The following LMOD1 variants were observed in gnomAD, a reference collection of about 807,000 sequenced individuals.
The protein encoded by LMOD1 is leiomodin-1.
LMOD1 carries 8 observed loss-of-function variants against 36.5 expected under a neutral mutation model. The ratio of observed to expected loss-of-function variants is 0.22; its 90% CI spans 0.13 to 0.40. LMOD1 has a LOEUF of 0.40. Among genes scored for constraint, LMOD1 ranks in the 10% least tolerant of loss-of-function variants. The probability of loss-of-function intolerance (pLI) is 1.00; values close to 1 mark genes in which losing one functional copy is unlikely to be tolerated. For missense variants in LMOD1, 630 were observed against 751.1 expected, an observed-to-expected ratio of 0.84 and a Z score of 1.88; for synonymous variants, 284 against 288.7, an observed-to-expected ratio of 0.98 and a Z score of 0.17.
At chr1:201,920,356 C>CAGT (rs1308183684) in intron 1 of LMOD1, among the ~76,000 whole-genome samples, 5 of 152,024 alleles carry the variant, frequency 3.3e-5, no homozygotes, top group Non-Finnish European at 7.4e-5. Flanking sequence ...ATTACTACCC[C>CAGT]AGTAAAATGA....
chr1:201,930,839 G>A (rs1234536164), intron 1 of LMOD1, among the ~76,000 whole-genome samples: 2 of 152,196 alleles, frequency 1.3e-5, no homozygotes, highest in Admixed American at 1.3e-4. Context: ...GGAAAACAAG[G>A]AGAATGTGCT....
At chr1:201,936,669 G>A (rs144984645) in intron 1 of LMOD1, among the ~76,000 whole-genome samples, 2 of 152,232 alleles carry the variant, frequency 1.3e-5, no homozygotes, top group African/African-American at 2.4e-5. Context: ...AGTTGTGGTG[G>A]CTCACACCTG....
rs1479643159 is a variant in LMOD1, at chr1:201,913,831, G to C, written c.262-13080C>G. ...GTTTAAGGCTGAATAGTATTCCATTGTATGTATATACCTTGATAATTTTAG... is the reference window on the plus strand; with the variant it reads ...GTTTAAGGCTGAATAGTATTCCATTCTATGTATATACCTTGATAATTTTAG... On this transcript the variant is annotated intron_variant, in intron 1 of 2. Coordinates refer to ENST00000367288, the MANE Select transcript of LMOD1 (RefSeq NM_012134.3). 3.9e-5 allele frequency among the ~76,000 whole-genome samples: 6 copies of C among 152,082 alleles called. No homozygotes were observed. In the East Asian group the frequency reaches 7.7e-4, roughly 20 times the overall value.
At chr1:201,936,047 G>A (rs376227515) in intron 1 of LMOD1, among the ~76,000 whole-genome samples, 14 of 147,544 alleles carry the variant, frequency 9.5e-5, no homozygotes, top group Admixed American at 5.4e-4. Flanking sequence ...CCCAGGAGGC[G>A]GAGGTTGCAG....
chr1:201,931,517 G>A (rs1370535836), intron 1 of LMOD1, among the ~76,000 whole-genome samples: 2 of 128,266 alleles, frequency 1.6e-5, no homozygotes, highest in African/African-American at 2.9e-5. Flanking sequence ...CAGCCTGGGC[G>A]ACATAATGAG....
chr1:201,910,185 C>G (rs1447411632), intron 1 of LMOD1, among the ~76,000 whole-genome samples: 1 of 152,136 alleles, frequency 6.6e-6, no homozygotes, highest in South Asian at 2.1e-4. Context: ...GGGAGGAGCC[C>G]TTTTGGGCTG....
chr1:201,924,194 G>T (rs1378927560), intron 1 of LMOD1, among the ~76,000 whole-genome samples: 3 of 150,924 alleles, frequency 2.0e-5, no homozygotes, highest in Non-Finnish European at 4.4e-5. Flanking sequence ...AGCGGTGGCG[G>T]GCACCTATAG....
intron 1 of LMOD1, among the ~76,000 whole-genome samples, chr1:201,905,982 C>A (rs563889186): frequency 2.0e-5 from 3 of 152,218 alleles, no homozygotes; most frequent in Non-Finnish European, 2.9e-5. Flanking sequence ...GCCACCCTTG[C>A]TACGTCCCCT....
chr1:201,943,986 A>G (rs1682162063), intron 1 of LMOD1, among the ~76,000 whole-genome samples: 1 of 152,246 alleles, frequency 6.6e-6, no homozygotes, highest in East Asian at 1.9e-4. Flanking sequence ...GTTCATTCTC[A>G]CCCAGATTTA....
chr1:201,932,375 C>T (rs924794201), intron 1 of LMOD1, among the ~76,000 whole-genome samples: 4 of 151,468 alleles, frequency 2.6e-5, no homozygotes, highest in East Asian at 1.9e-4. Context: ...GTCCAAATCT[C>T]GATAGAGAGG....
At chr1:201,928,877 G>A (rs182030811) in intron 1 of LMOD1, among the ~76,000 whole-genome samples, 1 of 151,530 alleles carries the variant, frequency 6.6e-6, no homozygotes, top group East Asian at 2.0e-4. Context: ...CACTATGCCT[G>A]GCTAACTTTT....
chr1:201,917,942 T>G (rs139806317), intron 1 of LMOD1, among the ~76,000 whole-genome samples: 2 of 152,370 alleles, frequency 1.3e-5, no homozygotes, highest in East Asian at 3.9e-4. Context: ...AGCAGCTTTA[T>G]GGTGTCTGAC....
In LMOD1 at chr1:201,899,455, AG is replaced by A; in HGVS notation, c.1557del (p.Ser520LeufsTer31). 6.2e-7 allele frequency: 1 copy of A among 1,613,638 alleles called. No individual in the cohort carries two copies. The highest frequency in any genetic ancestry group is 8.5e-7 in the Non-Finnish European group (1 of 1,179,806). On this transcript the variant is annotated frameshift_variant, in exon 2 of 3. Coordinates refer to ENST00000367288, the MANE Select transcript of LMOD1 (RefSeq NM_012134.3). LOFTEE classifies it high-confidence loss of function. The surrounding 1 kb of genome is among the most constrained non-coding windows in gnomAD (Gnocchi z 6.3). ...PKPSPQPSPK[P>X]SPKNSPKKGG... ...CCTTTTTTGGGTGAGTTCTTTGGAGAGGGCTTTGGAGATGGTTGAGGTGAAG... is the reference window on the plus strand; with the variant it reads ...CCTTTTTTGGGTGAGTTCTTTGGAGAGGCTTTGGAGATGGTTGAGGTGAAG...
At chr1:201,928,972 C>T (rs1188350564) in intron 1 of LMOD1, among the ~76,000 whole-genome samples, 1 of 152,168 alleles carries the variant, frequency 6.6e-6, no homozygotes, top group East Asian at 1.9e-4. Context: ...CCCACCTTGG[C>T]CTCCCAAAGT....
intron 1 of LMOD1, among the ~76,000 whole-genome samples, chr1:201,923,539 A>G (rs548099890): frequency 6.6e-6 from 1 of 152,158 alleles, no homozygotes; most frequent in South Asian, 2.1e-4. Flanking sequence ...TGGACAACAT[A>G]GTGAGACCCT....
intron 1 of LMOD1, among the ~76,000 whole-genome samples, chr1:201,943,100 T>C (rs372583077): frequency 1.0e-3 from 155 of 152,312 alleles, no homozygotes; most frequent in African/African-American, 3.6e-3. Flanking sequence ...ATATAAGAAT[T>C]TGTGGTCTCT....
At chr1:201,930,027 C>T (rs1044107617) in intron 1 of LMOD1, among the ~76,000 whole-genome samples, 6 of 151,992 alleles carry the variant, frequency 3.9e-5, no homozygotes, top group Admixed American at 1.3e-4. Flanking sequence ...CAGTTGGAGG[C>T]GACAATATGT....
intron 1 of LMOD1, among the ~76,000 whole-genome samples, chr1:201,904,394 G>A (rs540654306): frequency 1.3e-5 from 2 of 152,242 alleles, no homozygotes; most frequent in East Asian, 3.9e-4. Flanking sequence ...ATTTTTGGTA[G>A]AGACGGGGTT....
intron 1 of LMOD1, among the ~76,000 whole-genome samples, chr1:201,931,584 G>A (rs1181591882): frequency 6.6e-6 from 1 of 150,612 alleles, no homozygotes; most frequent in African/African-American, 2.4e-5. Flanking sequence ...TAAAAAGGGA[G>A]AGAAAGGCGA....
Sources: gnomAD v4.1 joint callset for allele counts (sites outside exome capture counted in the v4.1 genomes callset) on GRCh38, gnomAD v4.1.1 for gene constraint, Gnocchi (gnomAD v3.1) non-coding constraint, MANE v1.5 for transcripts, NCBI Gene and HGNC (gene_info 2026-07-23, HGNC 2026-07-21) for gene names.